ZMYND19: variants seen among roughly 807,000 people sequenced by gnomAD.
ZMYND19 encodes zinc finger MYND domain-containing protein 19.
A neutral mutation model predicts 32.0 loss-of-function variants in ZMYND19; 17 were observed. The ratio of observed to expected loss-of-function variants is 0.53; its 90% confidence interval spans 0.36 to 0.80. ZMYND19 has a LOEUF of 0.80. Ranked by LOEUF, ZMYND19 falls within the 30% of genes least tolerant of loss-of-function variation. The pLI, the probability that ZMYND19 is intolerant of heterozygous loss-of-function variation, is 0.00. For synonymous variants in ZMYND19, 124 were observed against 113.6 expected, an observed-to-expected ratio of 1.09 and a Z score of -0.58; for missense variants, 250 against 293.6, an observed-to-expected ratio of 0.85 and a Z score of 1.09.
At chr9:137,586,855 A>G in intron 4 of ZMYND19, 112 bp downstream of exon 4, 1 of 1,398,630 alleles carries the variant, frequency 7.1e-7, no homozygotes, top group Non-Finnish European at 9.7e-7. Context: ...AATACACAGA[A>G]GCATCAGGGC....
At chr9:137,584,220 C>T (rs1275238376) in intron 4 of ZMYND19, among the ~76,000 whole-genome samples, 1 of 152,264 alleles carries the variant, frequency 6.6e-6, no homozygotes, top group Non-Finnish European at 1.5e-5. Context: ...CCCATGTTGG[C>T]AAACCAAAGA....
Position 137,583,113 on chromosome 9 carries a change from A to G in ZMYND19, c.410T>C (p.Ile137Thr). Residue 137 changes from isoleucine (I) to threonine (T), a missense_variant, in exon 5 of 6, where the codon ATA (isoleucine) becomes ACA (threonine). This residue lies in a region of ZMYND19 where 212 missense variants were observed against 218.8 expected (regional missense o/e 0.97). Coordinates refer to ENST00000298585, the MANE Select transcript of ZMYND19 (RefSeq NM_138462.3). ...ATTTAGGACAGGAAACTGTTCTTCTATAGGGTCTGTAGGCAGCTGCTGAAT... is the reference window on the plus strand; with the variant it reads ...ATTTAGGACAGGAAACTGTTCTTCTGTAGGGTCTGTAGGCAGCTGCTGAAT... ...LAIQQLPTDP[I>T]EEQFPVLNVT... 6.2e-7 allele frequency: 1 copy of G among 1,614,162 alleles called. No individual in the cohort carries two copies. The highest frequency in any genetic ancestry group is 8.5e-7 in the Non-Finnish European group (1 of 1,180,024).
At chr9:137,585,414 C>CAAAAA (rs143309893) in intron 4 of ZMYND19, among the ~76,000 whole-genome samples, 1 of 84,652 alleles carries the variant, frequency 1.2e-5, no homozygotes, top group Non-Finnish European at 2.5e-5. Flanking sequence ...GACTCCGTCT[C>CAAAAA]AAAAAAAAAA....
chr9:137,583,105 G>A lies in ZMYND19; in HGVS notation c.418C>T (p.Gln140Ter). ...QQLPTDPIEE[Q>*]FPVLNVTRYY... ...CGGGTCACATTTAGGACAGGAAACTGTTCTTCTATAGGGTCTGTAGGCAGC... is the reference window on the plus strand; with the variant it reads ...CGGGTCACATTTAGGACAGGAAACTATTCTTCTATAGGGTCTGTAGGCAGC... The change falls in exon 5 of 6, where the codon CAG becomes TAG. Residue 140 changes from glutamine (Q) to a stop codon, truncating the protein, a stop_gained. Coordinates refer to ENST00000298585, the MANE Select transcript of ZMYND19 (RefSeq NM_138462.3). LOFTEE classifies it high-confidence loss of function. 6.2e-7 allele frequency: 1 copy of A among 1,614,172 alleles called. No individual in the cohort carries two copies. Among genetic ancestry groups the A allele is most frequent in the Non-Finnish European group, 8.5e-7 (1 of 1,180,022 alleles).
intron 4 of ZMYND19, among the ~76,000 whole-genome samples, chr9:137,585,406 C>T (rs376896866): frequency 1.5e-5 from 2 of 133,454 alleles, no homozygotes; most frequent in African/African-American, 3.0e-5. Flanking sequence ...CAGAGCCAGA[C>T]TCCGTCTCAA....
rs926690106 is a variant in ZMYND19, at chr9:137,587,839, G to T, written c.112-16C>A. On this transcript the variant is annotated splice_polypyrimidine_tract_variant and intron_variant, in intron 2 of 5. Transcript: ENST00000298585. ...CCATTCGGGCCTGAGAAGGAACAAG[G>T]GAAAGAGCTGTTAAAAAACCTCCAA... 1 of 1,611,476 alleles carries T rather than the reference G, an allele frequency of 6.2e-7. No homozygotes were observed. The highest frequency in any genetic ancestry group is 8.5e-7 in the Non-Finnish European group (1 of 1,177,868).
Position 137,587,026 on chromosome 9 carries a change from G to T in ZMYND19, c.300C>A (p.Asn100Lys). The part of the protein sequence containing the change: ...NAVTVDNRLD[N>K]LQLVPWGWRP... Reference sequence around the variant, plus strand: ...GCCAGCCCCACGGCACCAGTTGCAGGTTGTCCAGGCGATTGTCCACGGTCA... The same window carrying T: ...GCCAGCCCCACGGCACCAGTTGCAGTTTGTCCAGGCGATTGTCCACGGTCA... Residue 100 changes from asparagine (N) to lysine (K), a missense_variant, in exon 4 of 6, where the codon AAC (asparagine) becomes AAA (lysine). This residue lies in a region of ZMYND19 where 212 missense variants were observed against 218.8 expected (regional missense o/e 0.97). Transcript: ENST00000298585. The T allele has an allele frequency of 6.2e-7, 1 of 1,612,376 alleles. No individual in the cohort carries two copies. Among genetic ancestry groups the T allele is most frequent in the Non-Finnish European group, 8.5e-7 (1 of 1,180,022 alleles).
At chr9:137,589,231 G>A (rs1433854135) in intron 1 of ZMYND19, 4 of 541,814 alleles carry the variant, frequency 7.4e-6, no homozygotes, top group Non-Finnish European at 9.4e-6. Context: ...GTTAGAAGGG[G>A]TCTCTGGTCT....
In ZMYND19 at chr9:137,590,231, G is replaced by A; in HGVS notation, c.33C>T (p.Leu11=). MTDFKLGIVR[L]GRVAGKTKYT... ...CGCTCACCTTCCCGGCCACCCGGCC[G>A]AGCCGCACGATACCCAATTTGAAGT... The change falls in exon 1 of 6, where the codon CTC becomes CTT. Residue 11 remains leucine (L), a synonymous_variant. Transcript: ENST00000298585. This position sits in a 1 kb window ranked among gnomAD's most constrained non-coding sequence, Gnocchi z 4.2. The A allele has an allele frequency of 8.7e-7, 1 of 1,145,254 alleles. No individual in the cohort carries two copies. Among genetic ancestry groups the A allele is most frequent in the Non-Finnish European group, 1.1e-6 (1 of 917,054 alleles). 70.9% of individuals were successfully genotyped at this position (1,145,254 alleles called of 1,614,324 possible).
rs1842213006 is a variant in ZMYND19, at chr9:137,587,039, T to C, written c.287A>G (p.Asn96Ser). Residue 96 changes from asparagine (N) to serine (S), a missense_variant, in exon 4 of 6, where the codon AAT (asparagine) becomes AGT (serine). Physicochemically the swap from Asn to Ser is conservative, Grantham distance 46. Coordinates refer to ENST00000298585, the MANE Select transcript of ZMYND19 (RefSeq NM_138462.3). ...VVHLNAVTVD[N>S]RLDNLQLVPW... ...CACCAGTTGCAGGTTGTCCAGGCGA[T>C]TGTCCACGGTCACAGCGTTGAGGTG... 2 of 1,611,956 alleles carry C rather than the reference T, an allele frequency of 1.2e-6. No homozygotes were observed. The highest frequency in any genetic ancestry group is 1.7e-5 in the Admixed American group (1 of 60,032).
chr9:137,585,060 G>A (rs533932280), intron 4 of ZMYND19, among the ~76,000 whole-genome samples: 38 of 152,308 alleles, frequency 2.5e-4, no homozygotes, highest in African/African-American at 7.5e-4. Flanking sequence ...GTATGAGGAA[G>A]GTCAAAACTC....
rs769643183 is a variant in ZMYND19 at position 137,582,492 on chromosome 9, G to A, written c.*51C>T. 4 of 1,581,940 alleles carry A rather than the reference G, an allele frequency of 2.5e-6. No individual in the cohort carries two copies. The highest frequency in any genetic ancestry group is 3.4e-6 in the Non-Finnish European group (4 of 1,163,268). ...GTTCAACCACCAGTCTGTCTCTGCT[G>A]TGCCCAGGGTAGAGCCCGGGGGCTG... is the stretch of plus-strand genomic sequence containing the variant. On this transcript the variant is annotated 3_prime_UTR_variant, in exon 6 of 6. Coordinates refer to ENST00000298585, the MANE Select transcript of ZMYND19 (RefSeq NM_138462.3).
At chr9:137,589,641 G>A (rs1287959396) in intron 1 of ZMYND19, 2 of 985,352 alleles carry the variant, frequency 2.0e-6, no homozygotes, top group African/African-American at 1.7e-5. Context: ...GCAGCATCAG[G>A]GCCCAGGCTT....
Position 137,587,082 on chromosome 9 carries a change from G to C in ZMYND19, c.244C>G (p.Pro82Ala), listed in dbSNP as rs756119396. The change falls in exon 4 of 6, where the codon CCG becomes GCG. Residue 82 changes from proline (P) to alanine (A), a missense_variant. Physicochemically the swap from Pro to Ala is conservative, Grantham distance 27 (BLOSUM62 -1). Around this residue, in one of 2 missense-constraint regions of ZMYND19, gnomAD observed 212 missense variants for 218.8 expected, o/e 0.97. Transcript: ENST00000298585. Reference sequence around the variant, plus strand: ...TTGAGGTGCACCACCTGGAAGCCCGGGGCCACGCCCCCCCGGTGCCGCTCC... The same window carrying C: ...TTGAGGTGCACCACCTGGAAGCCCGCGGCCACGCCCCCCCGGTGCCGCTCC... The part of the protein sequence containing the change: ...LWERHRGGVA[P>A]GFQVVHLNAV... 2 of 1,608,206 alleles carry C rather than the reference G, an allele frequency of 1.2e-6. No individual in the cohort carries two copies. Among genetic ancestry groups the C allele is most frequent in the East Asian group, 4.5e-5 (2 of 44,878 alleles).
chr9:137,589,457 G>A (rs1208467160), intron 1 of ZMYND19: 3 of 985,344 alleles, frequency 3.0e-6, no homozygotes, highest in Non-Finnish European at 2.4e-6. Flanking sequence ...AGCCGCAGCC[G>A]CTGGTGACGG....
At chr9:137,585,784 A>G (rs1390507284) in intron 4 of ZMYND19, among the ~76,000 whole-genome samples, 1 of 152,208 alleles carries the variant, frequency 6.6e-6, no homozygotes, top group Admixed American at 6.5e-5. Flanking sequence ...CTCTGAGGTG[A>G]CAACTGCAAA....
Position 137,582,449 on chromosome 9 carries a change from C to G in ZMYND19, c.*94G>C. On this transcript the variant is annotated 3_prime_UTR_variant, in exon 6 of 6. Coordinates refer to ENST00000298585, the MANE Select transcript of ZMYND19 (RefSeq NM_138462.3). Reference sequence around the variant, plus strand: ...GCAGCTGTCCTGGGCCCGCAGCTGGCTTTTTTGGCACCTCCAGGTTCAACC... The same window carrying G: ...GCAGCTGTCCTGGGCCCGCAGCTGGGTTTTTTGGCACCTCCAGGTTCAACC... 3 of 1,516,854 alleles carry G rather than the reference C, an allele frequency of 2.0e-6. No individual in the cohort carries two copies. Among genetic ancestry groups the G allele is most frequent in the Non-Finnish European group, 2.6e-6 (3 of 1,134,474 alleles). 94.0% of individuals were successfully genotyped at this position (1,516,854 alleles called of 1,614,324 possible). A position where few individuals can be genotyped will look rare whatever the true frequency, so the allele number is the denominator to read the frequency against.
intron 4 of ZMYND19, among the ~76,000 whole-genome samples, chr9:137,583,763 G>C (rs1842173062): frequency 6.6e-6 from 1 of 152,232 alleles, no homozygotes; most frequent in Non-Finnish European, 1.5e-5. Flanking sequence ...GGTTAAAACG[G>C]GGAAGGATCA....
chr9:137,587,919 A>T, intron 2 of ZMYND19, 96 bp from the exon 3 acceptor site: 1 of 1,249,434 alleles, frequency 8.0e-7, no homozygotes, highest in Non-Finnish European at 1.2e-6. Flanking sequence ...CAAGCAAGCC[A>T]GAGGGACAAA....
Sources: allele counts gnomAD v4.1 joint callset (sites outside exome capture counted in the v4.1 genomes callset), GRCh38; gene constraint gnomAD v4.1.1; regional missense constraint gnomAD v4.1.1; non-coding constraint Gnocchi (gnomAD v3.1); transcripts MANE v1.5; gene names NCBI Gene and HGNC (gene_info 2026-07-23, HGNC 2026-07-21).